Variants in LRMDA observed in about 807,000 individuals in gnomAD.
LRMDA encodes leucine-rich melanocyte differentiation-associated protein.
A neutral mutation model predicts 29.8 loss-of-function variants in LRMDA; 18 were observed. The ratio of observed to expected loss-of-function variants is 0.60; its 90% CI spans 0.42 to 0.90. LRMDA has a LOEUF of 0.90. LRMDA is among the 40% of genes least tolerant of loss of function. The pLI is 0.00. For missense variants in LRMDA, 273 were observed against 273.9 expected, an observed-to-expected ratio of 1.00 and a Z score of 0.02; for synonymous variants, 125 against 109.4, an observed-to-expected ratio of 1.14 and a Z score of -0.89.
chr10:75,673,075 T>G (rs1319357512), intron 2 of LRMDA, among the ~76,000 whole-genome samples: 1 of 152,122 alleles, frequency 6.6e-6, no homozygotes, highest in East Asian at 1.9e-4. Context: ...CGCTTCCTGC[T>G]GCTGGTATGT....
chr10:75,434,537 T>G (rs1844243833), intron 1 of LRMDA, among the ~76,000 whole-genome samples: 1 of 152,230 alleles, frequency 6.6e-6, no homozygotes, highest in Non-Finnish European at 1.5e-5. Context: ...GAATCAGATT[T>G]GTACCTATGG....
intron 2 of LRMDA, among the ~76,000 whole-genome samples, chr10:75,642,292 A>G (rs1287105922): frequency 6.7e-6 from 1 of 149,014 alleles, no homozygotes; most frequent in African/African-American, 2.6e-5. Flanking sequence ...TGTTGGTTCC[A>G]TGGTGAGTAT....
chr10:76,460,642 C>G (rs1299417432), intron 6 of LRMDA, among the ~76,000 whole-genome samples: 1 of 152,202 alleles, frequency 6.6e-6, no homozygotes, highest in Non-Finnish European at 1.5e-5. Flanking sequence ...TCTCAGGGTG[C>G]CCAGCCCAGG....
At chr10:76,099,195 C>T (rs1260382779) in intron 5 of LRMDA, among the ~76,000 whole-genome samples, 1 of 152,126 alleles carries the variant, frequency 6.6e-6, no homozygotes, top group African/African-American at 2.4e-5. Context: ...AGGTTTGTTT[C>T]AAGAAAGGTC....
intron 6 of LRMDA, among the ~76,000 whole-genome samples, chr10:76,466,600 A>G (rs985174562): frequency 1.3e-5 from 2 of 152,122 alleles, no homozygotes; most frequent in African/African-American, 4.8e-5. Context: ...GTTTGAGACC[A>G]GCCTGGGCAA....
chr10:76,217,270 T>C (rs903555462), intron 5 of LRMDA, among the ~76,000 whole-genome samples: 2 of 152,148 alleles, frequency 1.3e-5, no homozygotes, highest in Admixed American at 6.5e-5. Flanking sequence ...ATTGAAGAGA[T>C]TTCATGGCTT....
At chr10:76,039,463 A>G (rs990573940) in intron 3 of LRMDA, among the ~76,000 whole-genome samples, 3 of 152,280 alleles carry the variant, frequency 2.0e-5, no homozygotes, top group Non-Finnish European at 2.9e-5. Flanking sequence ...GTATTTTGGC[A>G]TATGTAAAAT....
chr10:75,463,137 C>T (rs1844607632), intron 2 of LRMDA, among the ~76,000 whole-genome samples: 1 of 152,178 alleles, frequency 6.6e-6, no homozygotes, highest in African/African-American at 2.4e-5. Context: ...TCAGCCCGAG[C>T]TGGAGAGCTT....
intron 2 of LRMDA, among the ~76,000 whole-genome samples, chr10:75,688,409 G>T (rs374904644): frequency 6.6e-6 from 1 of 152,178 alleles, no homozygotes; most frequent in Non-Finnish European, 1.5e-5. Flanking sequence ...TTGCAGATGT[G>T]GCAGAAATAG....
At chr10:75,634,008 T>C (rs910013322) in intron 2 of LRMDA, among the ~76,000 whole-genome samples, 7 of 152,278 alleles carry the variant, frequency 4.6e-5, no homozygotes, top group Non-Finnish European at 8.8e-5. Context: ...GCATTCATTC[T>C]AACTTTCTGA....
chr10:76,472,470 A>G (rs2132318256), intron 6 of LRMDA, among the ~76,000 whole-genome samples: 1 of 151,894 alleles, frequency 6.6e-6, no homozygotes, highest in Non-Finnish European at 1.5e-5. Context: ...AGAGTTATCT[A>G]TTCAATAACT....
intron 2 of LRMDA, among the ~76,000 whole-genome samples, chr10:75,662,588 T>C (rs1373796954): frequency 1.3e-5 from 2 of 152,252 alleles, no homozygotes; most frequent in Non-Finnish European, 2.9e-5. Flanking sequence ...TTTTCCGGCT[T>C]TGTTATTTAC....
chr10:75,811,737 C>T (rs1843963639), intron 2 of LRMDA, among the ~76,000 whole-genome samples: 1 of 152,210 alleles, frequency 6.6e-6, no homozygotes, highest in South Asian at 2.1e-4. Context: ...CCCATTCCTA[C>T]CTCCCATCTA....
At chr10:75,687,278 T>A (rs1397136731) in intron 2 of LRMDA, among the ~76,000 whole-genome samples, 1 of 152,196 alleles carries the variant, frequency 6.6e-6, no homozygotes, top group Non-Finnish European at 1.5e-5. Context: ...TTAGTCAAGT[T>A]GTGAAAGCAA....
intron 6 of LRMDA, among the ~76,000 whole-genome samples, chr10:76,473,263 G>T (rs1446533262): frequency 6.6e-6 from 1 of 151,094 alleles, no homozygotes; most frequent in African/African-American, 2.4e-5. Flanking sequence ...AAAACCACAT[G>T]ACTATCTCCA....
rs571730253 is a variant in LRMDA, at chr10:76,488,956, TTTTTGATGTGTCTTCATCTGG to T, written c.602-68226_602-68206del. 2.1e-3 allele frequency among the ~76,000 whole-genome samples: 321 copies of T among 152,034 alleles called. 3 individuals carry two copies. The highest frequency in any genetic ancestry group is 0.01 in the Middle Eastern group (3 of 294). On this transcript the variant is annotated intron_variant, in intron 6 of 6. Transcript: ENST00000611255. ...AGGGATATTGGCCTATAGTTTTCTG[TTTTTGATGTGTCTTCATCTGG>T]TTTTGATGTGTCTTCATCTGGTTTT...
intron 2 of LRMDA, among the ~76,000 whole-genome samples, chr10:75,568,000 A>G (rs1481370357): frequency 1.3e-5 from 2 of 152,216 alleles, no homozygotes; most frequent in Non-Finnish European, 2.9e-5. Context: ...TTATCTTGAA[A>G]AAGGAGCAAG....
At chr10:76,224,095 A>T (rs796135491) in intron 5 of LRMDA, among the ~76,000 whole-genome samples, 49 of 152,268 alleles carry the variant, frequency 3.2e-4, no homozygotes, top group African/African-American at 1.2e-3. Context: ...GTGGTTGCTA[A>T]GCCCTGTCCT....
chr10:75,636,297 C>T (rs1238553817), intron 2 of LRMDA, among the ~76,000 whole-genome samples: 2 of 152,150 alleles, frequency 1.3e-5, no homozygotes, highest in Non-Finnish European at 2.9e-5. Flanking sequence ...AACAAATTAC[C>T]TAGCCACTTT....
Sources: gnomAD v4.1 joint callset for allele counts (sites outside exome capture counted in the v4.1 genomes callset) on GRCh38, gnomAD v4.1.1 for gene constraint, MANE v1.5 for transcripts, NCBI Gene and HGNC (gene_info 2026-07-23, HGNC 2026-07-21) for gene names.